Variants in LPIN1 observed in about 807,000 individuals in gnomAD.
LPIN1 encodes the protein phosphatidate phosphatase LPIN1.
Under a neutral mutation model 107.5 loss-of-function variants are expected in LPIN1, and 71 were observed. That is an observed-to-expected ratio of 0.66 (90% CI 0.55 to 0.80). LPIN1 has a LOEUF of 0.80. Among genes scored for constraint, LPIN1 ranks in the 30% least tolerant of loss-of-function variants. The pLI, the probability that LPIN1 is intolerant of heterozygous loss-of-function variation, is 0.00. For synonymous variants in LPIN1, 445 were observed against 452.6 expected (o/e 0.98, Z 0.21); for missense variants, 1,043 against 1,160.6 (o/e 0.90, Z 1.47).
intron 1 of LPIN1, among the ~76,000 whole-genome samples, chr2:11,737,429 G>T (rs554124821): frequency 6.6e-6 from 1 of 152,214 alleles, no homozygotes; most frequent in South Asian, 2.1e-4. Context: ...AAAGAAACTA[G>T]CATCAGAGTG....
chr2:11,821,143 C>T (rs979209495), intron 20 of LPIN1, among the ~76,000 whole-genome samples: 2 of 152,136 alleles, frequency 1.3e-5, no homozygotes, highest in Non-Finnish European at 2.9e-5. Context: ...TGACATCAGC[C>T]CAGGCCGACC....
chr2:11,766,130 C>T (rs1486723405), intron 2 of LPIN1, among the ~76,000 whole-genome samples: 1 of 152,184 alleles, frequency 6.6e-6, no homozygotes, highest in South Asian at 2.1e-4. Flanking sequence ...TTTGGTCATA[C>T]CAACTACCCA....
intron 14 of LPIN1, among the ~76,000 whole-genome samples, chr2:11,795,735 C>G (rs1676593900): frequency 6.6e-6 from 1 of 152,298 alleles, no homozygotes; most frequent in South Asian, 2.1e-4. Flanking sequence ...TAGAGCATTT[C>G]TCATGGTCCT....
chr2:11,709,661 C>T (rs1034137617), intron 1 of LPIN1, among the ~76,000 whole-genome samples: 8 of 152,184 alleles, frequency 5.3e-5, no homozygotes, highest in Non-Finnish European at 1.2e-4. Flanking sequence ...TTTGGTAGTA[C>T]CGTTTCTATA....
intron 1 of LPIN1, among the ~76,000 whole-genome samples, chr2:11,699,440 G>A (rs561473367): frequency 1.3e-5 from 2 of 152,048 alleles, no homozygotes; most frequent in South Asian, 2.1e-4. Flanking sequence ...GGAGTCCCTG[G>A]GGGGGGCGTG....
intron 1 of LPIN1, among the ~76,000 whole-genome samples, chr2:11,748,121 T>A (rs1396059550): frequency 6.6e-6 from 1 of 152,198 alleles, no homozygotes; most frequent in Non-Finnish European, 1.5e-5. Context: ...CAGGGATTCC[T>A]GGTTGTAGGG....
intron 3 of LPIN1, among the ~76,000 whole-genome samples, chr2:11,768,795 G>A (rs183893829): frequency 0.011 from 1,664 of 152,244 alleles, 15 homozygotes; most frequent in Non-Finnish European, 0.015. Context: ...AATTAGCTGG[G>A]CGTGGTGGCG....
At position 11,784,125 on chromosome 2, in the gene LPIN1, T is replaced by C. The variant is rs190014394; in HGVS notation, c.1358+203T>C. On this transcript the variant is annotated intron_variant, in intron 9 of 20. Transcript: ENST00000674199. ...TTCAAGACCACCCTGGCCAACATGG[T>C]GAATCCTCGTTCTACTGAAAATACC... 1.4e-4 allele frequency: 118 copies of C among 869,040 alleles called. 1 individual carries two copies. The African/African-American group carries it at 1.9e-3, about 14-fold the overall frequency. 53.8% of individuals were successfully genotyped at this position (869,040 alleles called of 1,614,324 possible). A position where few individuals can be genotyped will look rare whatever the true frequency, so the allele number is the denominator to read the frequency against.
intron 17 of LPIN1, among the ~76,000 whole-genome samples, chr2:11,807,820 T>C (rs973751735): frequency 6.6e-6 from 1 of 152,198 alleles, no homozygotes; most frequent in African/African-American, 2.4e-5. Flanking sequence ...GGCAGCTTTC[T>C]ACAACCTTCA....
At chr2:11,724,271 T>A (rs2148537827), upstream of LPIN1, 1 of 873,142 alleles carries the variant, frequency 1.1e-6, no homozygotes, top group African/African-American at 1.8e-5. Flanking sequence ...GCTGATGTCA[T>A]AGTCCCCGTG....
intron 1 of LPIN1, among the ~76,000 whole-genome samples, chr2:11,732,911 C>CTCTCTG (rs560068426): frequency 3.4e-5 from 5 of 149,008 alleles, no homozygotes; most frequent in African/African-American, 1.0e-4. Context: ...CTCTCTCTCT[C>CTCTCTG]TGTGTGTGTG....
intron 5 of LPIN1, among the ~76,000 whole-genome samples, chr2:11,775,198 G>A (rs1672469644): frequency 6.6e-6 from 1 of 152,090 alleles, no homozygotes; most frequent in African/African-American, 2.4e-5. Context: ...TGTAGCTGGT[G>A]GTTTATTATA....
At chr2:11,794,838 G>A (rs978186399) in intron 13 of LPIN1, among the ~76,000 whole-genome samples, 1 of 152,180 alleles carries the variant, frequency 6.6e-6, no homozygotes, top group Admixed American at 6.5e-5. Context: ...ATGAGGAAGC[G>A]AAGTTCTGAA....
At chr2:11,723,003 A>G (rs1368687076), upstream of LPIN1, among the ~76,000 whole-genome samples, 1 of 152,236 alleles carries the variant, frequency 6.6e-6, no homozygotes, top group African/African-American at 2.4e-5. Flanking sequence ...ACATTAGAGC[A>G]TACTTTGTAG....
intron 1 of LPIN1, among the ~76,000 whole-genome samples, chr2:11,701,659 C>T (rs61305782): frequency 0.018 from 2,788 of 152,256 alleles, 102 homozygotes; most frequent in African/African-American, 0.064. Context: ...TTAATCCTCA[C>T]GACAACAGTA....
rs1020934699 is a variant in LPIN1 at position 11,697,504 on chromosome 2, G to A, written c.82-16252G>A. ...GCTGGAAGTCTGCCCGAATCTGTGCGTCGTGTCTTGGGAATTCATCCCTTC... is the reference window on the plus strand; with the variant it reads ...GCTGGAAGTCTGCCCGAATCTGTGCATCGTGTCTTGGGAATTCATCCCTTC... On this transcript the variant is annotated intron_variant, in intron 1 of 21. Transcript: ENST00000449576. This position sits in a 1 kb window ranked among gnomAD's most constrained non-coding sequence, Gnocchi z 4.6. 2.6e-5 allele frequency among the ~76,000 whole-genome samples: 4 copies of A among 152,240 alleles called. No individual in the cohort carries two copies. The highest frequency in any genetic ancestry group is 6.5e-5 in the Admixed American group (1 of 15,288).
intron 3 of LPIN1, 41 bp downstream of exon 3, chr2:11,767,899 A>T: frequency 8.1e-7 from 1 of 1,239,524 alleles, no homozygotes; most frequent in Non-Finnish European, 1.2e-6. Flanking sequence ...CCTAGTTTTG[A>T]GCTTTGAGTA....
At chr2:11,796,453 G>C (rs969188165) in intron 14 of LPIN1, among the ~76,000 whole-genome samples, 1 of 152,174 alleles carries the variant, frequency 6.6e-6, no homozygotes, top group African/African-American at 2.4e-5. Context: ...TGGGAGGCAG[G>C]TGGGAAATGA....
intron 3 of LPIN1, among the ~76,000 whole-genome samples, chr2:11,769,190 G>T (rs1190023634): frequency 1.3e-5 from 2 of 152,242 alleles, no homozygotes; most frequent in Non-Finnish European, 2.9e-5. Context: ...CCTGCCAGCA[G>T]TGCACAAAGA....
Sources: allele counts gnomAD v4.1 joint callset (sites outside exome capture counted in the v4.1 genomes callset), GRCh38; gene constraint gnomAD v4.1.1; non-coding constraint Gnocchi (gnomAD v3.1); transcripts MANE v1.5; gene names NCBI Gene and HGNC (gene_info 2026-07-23, HGNC 2026-07-21).